The following POLN variants were observed in gnomAD, a reference collection of about 807,000 sequenced individuals.
POLN encodes the protein DNA polymerase nu, also known as DNA polymerase N.
Under a neutral mutation model 113.5 loss-of-function variants are expected in POLN, and 108 were observed. That is an observed-to-expected ratio of 0.95 (90% confidence interval 0.81 to 1.12). POLN has a LOEUF of 1.12. Ranked by LOEUF, POLN falls within the 50% of genes most tolerant of loss-of-function variation. The probability of loss-of-function intolerance (pLI) is 0.00; values close to 1 mark genes in which losing one functional copy is unlikely to be tolerated. For synonymous variants in POLN, 386 were observed against 391.5 expected, an observed-to-expected ratio of 0.99 and a Z score of 0.17; for missense variants, 1,097 against 1,077.1, an observed-to-expected ratio of 1.02 and a Z score of -0.26.
At chr4:2,227,794 C>T (rs1252987687) in intron 3 of POLN, 1 of 152,140 alleles carries the variant, frequency 6.6e-6, no homozygotes, top group East Asian at 1.9e-4. Flanking sequence ...ATCAGAGCCT[C>T]ATATTATAGC....
chr4:2,192,391 C>T (rs1011245411), intron 7 of POLN, among the ~76,000 whole-genome samples: 1 of 151,992 alleles, frequency 6.6e-6, no homozygotes, highest in Non-Finnish European at 1.5e-5. Flanking sequence ...CACTCTGTCC[C>T]CCAGGCTGGA....
In POLN at chr4:2,208,125, T is replaced by C. The variant is rs368564727; in HGVS notation, c.576A>G (p.Ala192=). The part of the protein sequence containing the change: ...EGYLNSGNSG[A]LKKHFCDIRH... ...TAATATCACAAAAATGTTTTTTCAA[T>C]GCTCCTGAGTTCCCAGAATTTAGGT... Residue 192 remains alanine (A), a synonymous_variant, in exon 5 of 26, where the codon GCA becomes GCG. Transcript: ENST00000511885. 6.2e-7 allele frequency: 1 copy of C among 1,614,230 alleles called. No homozygotes were observed.
At chr4:2,108,125 G>A (rs1560997771) in intron 19 of POLN, among the ~76,000 whole-genome samples, 1 of 152,188 alleles carries the variant, frequency 6.6e-6, no homozygotes, top group East Asian at 1.9e-4. Flanking sequence ...AATCCCAGCT[G>A]AGGGTCCCTT....
chr4:2,167,691 G>C (rs796299913), intron 13 of POLN, among the ~76,000 whole-genome samples: 1 of 152,298 alleles, frequency 6.6e-6, no homozygotes, highest in South Asian at 2.1e-4. Context: ...CTGAGGTCAG[G>C]AGTTTGAGAC....
intron 2 of POLN, chr4:2,230,475 A>C (rs1380890193): frequency 2.7e-5 from 4 of 150,430 alleles, no homozygotes; most frequent in African/African-American, 1.0e-4. Flanking sequence ...ATATACAACA[A>C]AAAAAAAGTT....
At chr4:2,149,807 G>A (rs559128120) in intron 16 of POLN, among the ~76,000 whole-genome samples, 1 of 151,134 alleles carries the variant, frequency 6.6e-6, no homozygotes, top group African/African-American at 2.4e-5. Context: ...GAGAGGGCCG[G>A]GCGCGTTGAC....
chr4:2,227,127 C>T (rs909613515), intron 3 of POLN, among the ~76,000 whole-genome samples: 5 of 152,162 alleles, frequency 3.3e-5, no homozygotes, highest in Non-Finnish European at 7.3e-5. Context: ...ACACCAAAGG[C>T]AGCAGCATGT....
At chr4:2,117,790 T>C (rs1731352936) in intron 19 of POLN, among the ~76,000 whole-genome samples, 3 of 152,238 alleles carry the variant, frequency 2.0e-5, no homozygotes, top group South Asian at 2.1e-4. Context: ...TTGTTCTCCA[T>C]GGCCTTTTGC....
chr4:2,208,428 G>GGACT lies in POLN; in HGVS notation c.269_272dup (p.Phe92ValfsTer13). The GGACT allele has an allele frequency of 6.3e-7, 1 of 1,593,216 alleles. No individual in the cohort carries two copies. Among genetic ancestry groups the GGACT allele is most frequent in the Non-Finnish European group, 8.5e-7 (1 of 1,174,060 alleles). On this transcript the variant is annotated frameshift_variant, in exon 5 of 26. Coordinates refer to ENST00000511885, the MANE Select transcript of POLN (RefSeq NM_181808.4). LOFTEE classifies it high-confidence loss of function. The stretch of plus-strand genomic sequence containing the variant: ...GCTGATCTGTGAGCCTGACACTGAA[G>GGACT]GACTGAGGAGACAGCTTGGCAGAAC...
intron 20 of POLN, among the ~76,000 whole-genome samples, chr4:2,087,759 T>C (rs1049662202): frequency 1.3e-5 from 2 of 152,156 alleles, no homozygotes; most frequent in African/African-American, 2.4e-5. Context: ...GTTTAGGAAT[T>C]TGGGGTTATA....
chr4:2,169,939 C>T (rs756664578), intron 13 of POLN, among the ~76,000 whole-genome samples: 1 of 152,248 alleles, frequency 6.6e-6, no homozygotes, highest in Non-Finnish European at 1.5e-5. Context: ...GCACAGTCAA[C>T]GAGCTCAGGC....
intron 4 of POLN, among the ~76,000 whole-genome samples, chr4:2,209,297 T>C (rs1454544579): frequency 6.6e-6 from 1 of 151,760 alleles, no homozygotes; most frequent in East Asian, 1.9e-4. Flanking sequence ...CTGACCAACA[T>C]GGAGAAACCT....
At chr4:2,075,420 T>G (rs780550103) in intron 24 of POLN, 32 bp downstream of exon 24, 1 of 1,610,774 alleles carries the variant, frequency 6.2e-7, no homozygotes, top group South Asian at 1.1e-5. Flanking sequence ...CTGTCTGTGA[T>G]GTCCAAGCAA....
intron 23 of POLN, chr4:2,079,678 G>C: frequency 1.1e-6 from 1 of 901,546 alleles, no homozygotes; most frequent in East Asian, 1.2e-4. Flanking sequence ...TCCACCTCCT[G>C]GGTTCAAGCG....
chr4:2,240,821 C>G, intron 2 of POLN: 3 of 1,613,840 alleles, frequency 1.9e-6, no homozygotes, highest in Non-Finnish European at 2.5e-6. Flanking sequence ...TCCCACAAAA[C>G]CACTTCAGAA....
intron 2 of POLN, chr4:2,231,414 A>T (rs1734574589): frequency 6.5e-6 from 1 of 152,822 alleles, no homozygotes; most frequent in Non-Finnish European, 1.5e-5. Flanking sequence ...CCTGGCCAAC[A>T]TGGTGAAACC....
chr4:2,161,382 T>C (rs1429157535), intron 13 of POLN, among the ~76,000 whole-genome samples: 1 of 152,212 alleles, frequency 6.6e-6, no homozygotes, highest in Non-Finnish European at 1.5e-5. Flanking sequence ...CCGGCCCTGC[T>C]AGCCCGGGCA....
intron 19 of POLN, among the ~76,000 whole-genome samples, chr4:2,099,286 A>G (rs181841001): frequency 6.6e-6 from 1 of 152,368 alleles, no homozygotes; most frequent in Admixed American, 6.5e-5. Flanking sequence ...GAGTATCTTT[A>G]TAGTAGAGAA....
In POLN at chr4:2,095,836, C is replaced by T. The variant is rs769022297; in HGVS notation, c.2065+15G>A. 66 of 1,613,114 alleles carry T rather than the reference C, an allele frequency of 4.1e-5. No individual in the cohort carries two copies. The highest frequency in any genetic ancestry group is 1.3e-4 in the South Asian group (12 of 91,084). ...CAGGTAACCCCGAGACCCCAGCTCC[C>T]GGCCCGCAGCCTACCTGCTCCATAG... On this transcript the variant is annotated intron_variant, in intron 20 of 25. Transcript: ENST00000511885.
Sources: allele counts gnomAD v4.1 joint callset (sites outside exome capture counted in the v4.1 genomes callset), GRCh38; gene constraint gnomAD v4.1.1; transcripts MANE v1.5; gene names NCBI Gene and HGNC (gene_info 2026-07-23, HGNC 2026-07-21).